Variants in ACOT7 observed in about 807,000 individuals in gnomAD.
ACOT7 encodes the protein acyl-CoA thioesterase 7.
Under a neutral mutation model 40.2 loss-of-function variants are expected in ACOT7, and 12 were observed. That is an observed-to-expected ratio of 0.30 (90% CI 0.19 to 0.48). The LOEUF is 0.48. Ranked by LOEUF, ACOT7 falls within the 20% of genes least tolerant of loss-of-function variation. The pLI, the probability that ACOT7 is intolerant of heterozygous loss-of-function variation, is 0.99. For missense variants in ACOT7, 395 were observed against 530.8 expected (o/e 0.74, Z 2.51); for synonymous variants, 228 against 219.5 (o/e 1.04, Z -0.34).
At position 6,393,549 on chromosome 1, in the gene ACOT7, C is replaced by G. The variant is rs1211204003; in HGVS notation, c.-150G>C. On this transcript the variant is annotated 5_prime_UTR_variant, in exon 1 of 9. Coordinates refer to ENST00000361521, the MANE Select transcript of ACOT7 (RefSeq NM_007274.4). ...CCCAGGCCGCCAAGGCTGCAGAGAGCTCGCGCGGGCGTACGATTCTGGCGG... is the reference window on the plus strand; with the variant it reads ...CCCAGGCCGCCAAGGCTGCAGAGAGGTCGCGCGGGCGTACGATTCTGGCGG... The G allele has an allele frequency of 1.4e-5, 9 of 647,934 alleles. No individual in the cohort carries two copies. The East Asian group carries it at 3.2e-4, about 23-fold the overall frequency. The allele number at this position is 647,934 out of a possible 1,614,324, so 40.1% of individuals were successfully genotyped here. A position where few individuals can be genotyped will look rare whatever the true frequency, so the allele number is the denominator to read the frequency against.
rs547917984 is a variant in ACOT7 at position 6,341,429 on chromosome 1, G to A, written c.262-1840C>T. 4.0e-5 allele frequency among the ~76,000 whole-genome samples: 6 copies of A among 149,438 alleles called. No homozygotes were observed. In the East Asian group the frequency reaches 8.6e-4, roughly 21 times the overall value. On this transcript the variant is annotated intron_variant, in intron 2 of 8. Transcript: ENST00000361521. ...ATTACAGGCGTGAGCCACCGTGCCC[G>A]GCCCAACTATTCTTTTTAAAAATTT...
At chr1:6,272,752 T>C (rs1216068251) in intron 8 of ACOT7, among the ~76,000 whole-genome samples, 1 of 152,140 alleles carries the variant, frequency 6.6e-6, no homozygotes, top group Non-Finnish European at 1.5e-5. Context: ...AAACTCCAAG[T>C]CCCATGGCCA....
chr1:6,280,497 T>C (rs67984858), intron 8 of ACOT7, among the ~76,000 whole-genome samples: 21,989 of 152,216 alleles, frequency 0.14, 1,709 homozygotes, highest in African/African-American at 0.21. Flanking sequence ...CAGCAGCCCC[T>C]GTGAACGAGT....
At chr1:6,370,013 T>C (rs1390130834) in intron 1 of ACOT7, among the ~76,000 whole-genome samples, 1 of 152,216 alleles carries the variant, frequency 6.6e-6, no homozygotes, top group African/African-American at 2.4e-5. Context: ...ATCCCAATGT[T>C]GGAGGCAGGA....
At chr1:6,303,924 G>A (rs1640042353) in intron 6 of ACOT7, among the ~76,000 whole-genome samples, 1 of 152,160 alleles carries the variant, frequency 6.6e-6, no homozygotes. Flanking sequence ...AAGGGGGGAG[G>A]TCTTGACTGC....
At chr1:6,300,837 C>T (rs564675701) in intron 6 of ACOT7, among the ~76,000 whole-genome samples, 10 of 144,254 alleles carry the variant, frequency 6.9e-5, no homozygotes, top group Admixed American at 1.4e-4. Flanking sequence ...TCCACAAACA[C>T]AGAATGACCA....
At chr1:6,317,443 A>G (rs1432180958) in intron 6 of ACOT7, among the ~76,000 whole-genome samples, 2 of 152,258 alleles carry the variant, frequency 1.3e-5, no homozygotes, top group Non-Finnish European at 2.9e-5. Flanking sequence ...CTGGGAAGCC[A>G]AGCTACGAAC....
At chr1:6,376,688 T>C (rs1260530482) in intron 1 of ACOT7, among the ~76,000 whole-genome samples, 9 of 148,874 alleles carry the variant, frequency 6.0e-5, no homozygotes, top group Non-Finnish European at 8.9e-5. Context: ...GATGGCACTA[T>C]TGCACTCCAG....
In ACOT7 at chr1:6,355,210, A is replaced by AC. The variant is rs964558399; in HGVS notation, c.144-5345dup. On this transcript the variant is annotated intron_variant, in intron 1 of 8. Coordinates refer to ENST00000361521, the MANE Select transcript of ACOT7 (RefSeq NM_007274.4). The surrounding 1 kb of genome is among the most constrained non-coding windows in gnomAD (Gnocchi z 5.0). Reference sequence around the variant, plus strand: ...CACAAATAGGGGAGTGTAAGCGAATACCCACTCACAGAGGGCACCCGGCAC... The same window carrying AC: ...CACAAATAGGGGAGTGTAAGCGAATACCCCACTCACAGAGGGCACCCGGCAC... Among the ~76,000 whole-genome samples the AC allele has an allele frequency of 6.6e-6, 1 of 152,068 alleles. No homozygotes were observed. Among genetic ancestry groups the AC allele is most frequent in the Admixed American group, 6.6e-5 (1 of 15,262 alleles).
At position 6,393,578 on chromosome 1, in the gene ACOT7, G is replaced by C; in HGVS notation, c.-179C>G. ...CGCGGGCGTACGATTCTGGCGGCGT[G>C]GGGGCCCAGGCAGCCGCCGCTTCCA... On this transcript the variant is annotated 5_prime_UTR_variant, in exon 1 of 9. Transcript: ENST00000361521. The C allele has an allele frequency of 4.2e-6, 2 of 477,034 alleles. No homozygotes were observed. Among genetic ancestry groups the C allele is most frequent in the Non-Finnish European group, 6.3e-6 (2 of 315,370 alleles). The allele number at this position is 477,034 out of a possible 1,614,324, so 29.6% of individuals were successfully genotyped here.
intron 2 of ACOT7, among the ~76,000 whole-genome samples, chr1:6,345,459 G>A (rs900941858): frequency 1.3e-5 from 2 of 152,246 alleles, no homozygotes; most frequent in African/African-American, 4.8e-5. Context: ...CCACGTCTCA[G>A]TCTCTGTAAA....
At chr1:6,269,751 GT>G (rs1638971107) in intron 8 of ACOT7, among the ~76,000 whole-genome samples, 1 of 152,256 alleles carries the variant, frequency 6.6e-6, no homozygotes, top group Admixed American at 6.5e-5. Context: ...CTGAGAGCCT[GT>G]GAGGGCCCCA....
intron 8 of ACOT7, among the ~76,000 whole-genome samples, chr1:6,276,147 A>C (rs1039491924): frequency 6.6e-6 from 1 of 151,922 alleles, no homozygotes; most frequent in Non-Finnish European, 1.5e-5. Context: ...CTCAGCCCCA[A>C]CTCCCTGGGC....
chr1:6,349,826 G>A lies in ACOT7; in HGVS notation c.184C>T (p.His62Tyr). The change falls in exon 2 of 9, where the codon CAC (histidine) becomes TAC (tyrosine). Residue 62 changes from histidine (H) to tyrosine (Y), a missense_variant. Transcript: ENST00000361521. ...PDDANVAGNV[H>Y]GGTILKMIEE... ...ATCATCTTCAGGATGGTCCCCCCGTGGACATTGCCGGCCACGTTGGCATCA... is the reference window on the plus strand; with the variant it reads ...ATCATCTTCAGGATGGTCCCCCCGTAGACATTGCCGGCCACGTTGGCATCA... The A allele has an allele frequency of 6.2e-7, 1 of 1,614,162 alleles. No individual in the cohort carries two copies. Among genetic ancestry groups the A allele is most frequent in the Non-Finnish European group, 8.5e-7 (1 of 1,180,034 alleles).
intron 1 of ACOT7, among the ~76,000 whole-genome samples, chr1:6,377,458 G>A (rs1421572526): frequency 1.3e-5 from 2 of 152,158 alleles, no homozygotes; most frequent in African/African-American, 4.8e-5. Context: ...ATTCAAGCTG[G>A]ATATGGGTGA....
intron 1 of ACOT7, among the ~76,000 whole-genome samples, chr1:6,378,936 C>A (rs538502846): frequency 9.6e-4 from 146 of 151,832 alleles, no homozygotes; most frequent in African/African-American, 3.3e-3. Context: ...TGCTCTGTTG[C>A]CCAGGCTGGA....
chr1:6,333,255 C>A (rs1025052601), intron 4 of ACOT7, among the ~76,000 whole-genome samples: 1 of 152,264 alleles, frequency 6.6e-6, no homozygotes, highest in Non-Finnish European at 1.5e-5. Flanking sequence ...GTCTCCTCCC[C>A]ACCCGTGTTT....
chr1:6,325,783 G>C (rs1186549072), intron 5 of ACOT7, among the ~76,000 whole-genome samples: 1 of 152,200 alleles, frequency 6.6e-6, no homozygotes, highest in East Asian at 1.9e-4. Context: ...GCGCCCACTG[G>C]GTTTTCACCA....
chr1:6,360,781 C>T, intron 1 of ACOT7: 1 of 1,498,208 alleles, frequency 6.7e-7, no homozygotes, highest in Non-Finnish European at 8.9e-7. Context: ...ATTGCTGCCT[C>T]CCTAAGCAAC....
Sources: allele counts gnomAD v4.1 joint callset (sites outside exome capture counted in the v4.1 genomes callset), GRCh38; gene constraint gnomAD v4.1.1; non-coding constraint Gnocchi (gnomAD v3.1); transcripts MANE v1.5; gene names NCBI Gene and HGNC (gene_info 2026-07-23, HGNC 2026-07-21).